IL1RAPL1: variants seen among roughly 807,000 people sequenced by gnomAD.
The protein encoded by IL1RAPL1 is interleukin 1 receptor accessory protein like 1.
Under a neutral mutation model 48.4 loss-of-function variants are expected in IL1RAPL1, and 3 were observed. That is an observed-to-expected ratio of 0.06 (90% confidence interval 0.03 to 0.16). The LOEUF (loss-of-function observed/expected upper bound fraction) is 0.16. Among genes scored for constraint, IL1RAPL1 ranks in the 10% least tolerant of loss-of-function variants. IL1RAPL1 has a pLI of 1.00. For synonymous variants in IL1RAPL1, 185 were observed against 187.7 expected (o/e 0.99, Z 0.12); for missense variants, 349 against 530.6 (o/e 0.66, Z 3.36).
intron 6 of IL1RAPL1, among the ~76,000 whole-genome samples, chrX:29,757,150 A>G (rs1364331960): frequency 8.9e-6 from 1 of 112,363 alleles, no homozygotes; most frequent in Non-Finnish European, 1.9e-5. Flanking sequence ...GTTCTTTGCT[A>G]CTGCAGGCCC....
At chrX:29,017,120 A>G (rs1307803003) in intron 2 of IL1RAPL1, among the ~76,000 whole-genome samples, 1 of 112,223 alleles carries the variant, frequency 8.9e-6, no homozygotes, top group African/African-American at 3.2e-5. Flanking sequence ...ATATGATTCG[A>G]CGTGAATCTG....
intron 6 of IL1RAPL1, among the ~76,000 whole-genome samples, chrX:29,678,658 G>A (rs1281043551): frequency 9.1e-6 from 1 of 109,534 alleles, no homozygotes; most frequent in Non-Finnish European, 1.9e-5. Context: ...GTGAGCCACC[G>A]CGCCCGGCCA....
At chrX:28,694,420 A>G (rs1407978313) in intron 1 of IL1RAPL1, among the ~76,000 whole-genome samples, 1 of 112,152 alleles carries the variant, frequency 8.9e-6, no homozygotes, top group Admixed American at 9.5e-5. Context: ...CCAATCTGCC[A>G]GGCAGGCATG....
intron 6 of IL1RAPL1, among the ~76,000 whole-genome samples, chrX:29,705,545 TC>T (rs1247358726): frequency 8.9e-6 from 1 of 112,265 alleles, no homozygotes; most frequent in Non-Finnish European, 1.9e-5. Flanking sequence ...ACTTTGGCCC[TC>T]CTCCTAGCCC....
chrX:28,914,474 G>C (rs745513037), intron 2 of IL1RAPL1, among the ~76,000 whole-genome samples: 1 of 111,644 alleles, frequency 9.0e-6, no homozygotes, highest in South Asian at 3.7e-4. Context: ...CACCAACTCT[G>C]TATCTTATTA....
chrX:28,880,175 T>TA (rs1387777432), intron 2 of IL1RAPL1, among the ~76,000 whole-genome samples: 1 of 112,782 alleles, frequency 8.9e-6, no homozygotes, highest in African/African-American at 3.2e-5. Flanking sequence ...TGTTTGAATT[T>TA]AAAAAGCAAT....
At chrX:28,693,864 C>A (rs1163394620) in intron 1 of IL1RAPL1, among the ~76,000 whole-genome samples, 1 of 111,595 alleles carries the variant, frequency 9.0e-6, no homozygotes, top group East Asian at 2.8e-4. Flanking sequence ...ACTTTGAAGG[C>A]ACTAAATGCA....
At chrX:29,040,969 G>A (rs1048074629) in intron 2 of IL1RAPL1, among the ~76,000 whole-genome samples, 9 of 112,278 alleles carry the variant, frequency 8.0e-5, no homozygotes, top group African/African-American at 2.6e-4. Context: ...ATTATATTTG[G>A]TGTAGCATTT....
intron 2 of IL1RAPL1, among the ~76,000 whole-genome samples, chrX:29,228,812 G>A (rs1931139892): frequency 8.9e-6 from 1 of 111,883 alleles, no homozygotes; most frequent in Admixed American, 9.5e-5. Flanking sequence ...TTTTTGTGAT[G>A]CAATTTGTTT....
intron 5 of IL1RAPL1, among the ~76,000 whole-genome samples, chrX:29,516,726 G>T (rs1436502767): frequency 1.8e-5 from 2 of 110,686 alleles, no homozygotes; most frequent in East Asian, 5.6e-4. Context: ...TATTAACAGT[G>T]TTGCTATGAC....
chrX:29,502,296 T>C (rs1490567535), intron 5 of IL1RAPL1, among the ~76,000 whole-genome samples: 1 of 111,634 alleles, frequency 9.0e-6, no homozygotes, highest in Non-Finnish European at 1.9e-5. Flanking sequence ...CTTTCCAATT[T>C]TGATGCCTCT....
chrX:29,831,507 A>G (rs2147188175), intron 6 of IL1RAPL1, among the ~76,000 whole-genome samples: 1 of 112,091 alleles, frequency 8.9e-6, no homozygotes, highest in East Asian at 2.8e-4. Flanking sequence ...GAGGATCATG[A>G]GAAATGACAC....
intron 1 of IL1RAPL1, among the ~76,000 whole-genome samples, chrX:28,665,323 C>G (rs1458848150): frequency 2.7e-5 from 3 of 111,019 alleles, no homozygotes; most frequent in African/African-American, 9.8e-5. Flanking sequence ...ACAGGACGCC[C>G]AGATATAAAA....
At chrX:28,874,162 T>C (rs1382232637) in intron 2 of IL1RAPL1, among the ~76,000 whole-genome samples, 1 of 111,318 alleles carries the variant, frequency 9.0e-6, no homozygotes, top group East Asian at 2.8e-4. Flanking sequence ...TAACAATAAG[T>C]GGTTGAGATT....
At chrX:29,837,867 A>C (rs777419373) in intron 6 of IL1RAPL1, among the ~76,000 whole-genome samples, 111 of 112,033 alleles carry the variant, frequency 9.9e-4, no homozygotes, top group African/African-American at 3.2e-3. Context: ...TAGCACTTTG[A>C]AAGGCAGAAA....
chrX:28,746,275 G>A (rs758196662), intron 1 of IL1RAPL1, among the ~76,000 whole-genome samples: 10 of 111,693 alleles, frequency 9.0e-5, no homozygotes, highest in Non-Finnish European at 1.7e-4. Context: ...TAGAACTAGT[G>A]CTTTAAAGCA....
intron 6 of IL1RAPL1, among the ~76,000 whole-genome samples, chrX:29,863,666 G>A (rs776960805): frequency 8.9e-5 from 10 of 112,413 alleles, no homozygotes; most frequent in Non-Finnish European, 1.5e-4. Flanking sequence ...CAAGCCTATA[G>A]AGTAAGTTCC....
chrX:29,747,370 T>G (rs1928358792), intron 6 of IL1RAPL1, among the ~76,000 whole-genome samples: 1 of 112,951 alleles, frequency 8.9e-6, no homozygotes, highest in South Asian at 3.6e-4. Context: ...CAATTAACAG[T>G]AAATTCCAAA....
intron 2 of IL1RAPL1, among the ~76,000 whole-genome samples, chrX:29,229,301 TG>T (rs1315237609): frequency 9.0e-6 from 1 of 110,907 alleles, no homozygotes; most frequent in Non-Finnish European, 1.9e-5. Context: ...AATTGAAAAG[TG>T]TTGGAAACTC....
Sources: allele counts gnomAD v4.1 joint callset (sites outside exome capture counted in the v4.1 genomes callset), GRCh38; gene constraint gnomAD v4.1.1; transcripts MANE v1.5; gene names NCBI Gene and HGNC (gene_info 2026-07-23, HGNC 2026-07-21).